The following MORC1 variants were observed in gnomAD, a reference collection of about 807,000 sequenced individuals.
MORC1 encodes the protein MORC family CW-type zinc finger 1, also known as MORC family CW-type zinc finger protein 1.
In MORC1, 59 loss-of-function variants were observed where a neutral mutation model predicts 134.9. The ratio of observed to expected loss-of-function variants is 0.44; its 90% CI spans 0.35 to 0.54. The LOEUF (loss-of-function observed/expected upper bound fraction) is 0.54, where lower values mean the gene tolerates loss of function less well. MORC1 is among the 20% of genes least tolerant of loss of function. The pLI, the probability that MORC1 is intolerant of heterozygous loss-of-function variation, is 0.00. For missense variants in MORC1, 947 were observed against 1,134.5 expected, an observed-to-expected ratio of 0.83 and a Z score of 2.37; for synonymous variants, 395 against 391.7, an observed-to-expected ratio of 1.01 and a Z score of -0.10.
At chr3:109,017,579 C>G (rs1269304730) in intron 17 of MORC1, among the ~76,000 whole-genome samples, 2 of 152,164 alleles carry the variant, frequency 1.3e-5, no homozygotes, top group Non-Finnish European at 2.9e-5. Context: ...AGTTTTGGGG[C>G]TGGCCTATAG....
At chr3:109,024,298 A>G (rs1261941102) in intron 17 of MORC1, among the ~76,000 whole-genome samples, 2 of 152,204 alleles carry the variant, frequency 1.3e-5, no homozygotes, top group East Asian at 3.8e-4. Flanking sequence ...GCTTTGATTA[A>G]AATTATTTTT....
intron 17 of MORC1, among the ~76,000 whole-genome samples, chr3:109,017,987 A>T (rs1276609041): frequency 6.6e-6 from 1 of 152,244 alleles, no homozygotes; most frequent in Non-Finnish European, 1.5e-5. Context: ...CCAGGAATAA[A>T]GAAGTGAATA....
chr3:108,986,123 G>A (rs1321418326), intron 22 of MORC1, among the ~76,000 whole-genome samples: 2 of 152,034 alleles, frequency 1.3e-5, no homozygotes, highest in African/African-American at 4.8e-5. Flanking sequence ...AGACTAAGAA[G>A]ACTAAGATCT....
At chr3:108,973,007 C>CA (rs1008445531) in intron 24 of MORC1, among the ~76,000 whole-genome samples, 75 of 152,326 alleles carry the variant, frequency 4.9e-4, no homozygotes, top group African/African-American at 1.8e-3. Context: ...ATCTCTATTT[C>CA]AAAATCTACA....
At chr3:109,016,167 A>C (rs969584923) in intron 17 of MORC1, among the ~76,000 whole-genome samples, 4 of 152,156 alleles carry the variant, frequency 2.6e-5, no homozygotes, top group African/African-American at 9.7e-5. Flanking sequence ...ACACTGAAAA[A>C]ATTTTAAATT....
chr3:109,114,490 G>A (rs1951230145), intron 1 of MORC1, 53 bp from the exon 2 acceptor site: 2 of 1,489,618 alleles, frequency 1.3e-6, no homozygotes, highest in African/African-American at 1.4e-5. Flanking sequence ...TGTAATCAAT[G>A]TAAAAGCTTT....
At chr3:109,036,180 C>T (rs1157871535) in intron 14 of MORC1, among the ~76,000 whole-genome samples, 1 of 152,096 alleles carries the variant, frequency 6.6e-6, no homozygotes, top group Admixed American at 6.6e-5. Context: ...AAATTCTGTT[C>T]CCCAAAAATG....
Position 108,973,684 on chromosome 3 carries a change from C to T in MORC1, c.2478-2282G>A, listed in dbSNP as rs141264230. Among the ~76,000 whole-genome samples the T allele has an allele frequency of 4.7e-3, 696 of 149,270 alleles. 3 individuals carry two copies. The highest frequency in any genetic ancestry group is 8.0e-3 in the Non-Finnish European group (540 of 67,502). On this transcript the variant is annotated intron_variant, in intron 24 of 27. Transcript: ENST00000232603. ...TGATCTCAGCTCACTGCATCCTCGG[C>T]CTCCTGGGCTCAAGTAATCCTCCCA...
intron 8 of MORC1, among the ~76,000 whole-genome samples, chr3:109,081,189 G>A (rs1444095987): frequency 6.6e-6 from 1 of 152,036 alleles, no homozygotes; most frequent in Non-Finnish European, 1.5e-5. Context: ...GAAAAATGTT[G>A]ACAGATACAA....
rs1370953735 is a variant in MORC1 at position 109,069,710 on chromosome 3, A to G, written c.737T>C (p.Phe246Ser). 1 of 1,613,066 alleles carries G rather than the reference A, an allele frequency of 6.2e-7. No individual in the cohort carries two copies. The highest frequency in any genetic ancestry group is 2.2e-5 in the East Asian group (1 of 44,842). ...SFRAYTSVLY[F>S]NPWMRIFIQA... Reference sequence around the variant, plus strand: ...AATGAATATTCTCATCCATGGGTTAAAATACAGAACAGATGTGTAGGCTCT... The same window carrying G: ...AATGAATATTCTCATCCATGGGTTAGAATACAGAACAGATGTGTAGGCTCT... Residue 246 changes from phenylalanine to serine, a missense_variant, in exon 9 of 28, where the codon TTT becomes TCT. By Grantham distance (155) the Phe-to-Ser change is radical. This residue lies in a region of MORC1 where 11 missense variants were observed against 36.2 expected (regional missense o/e 0.30). Coordinates refer to ENST00000232603, the MANE Select transcript of MORC1 (RefSeq NM_014429.4).
intron 21 of MORC1, among the ~76,000 whole-genome samples, chr3:108,999,235 G>C (rs1171988527): frequency 6.6e-6 from 1 of 152,060 alleles, no homozygotes; most frequent in Non-Finnish European, 1.5e-5. Flanking sequence ...GGCTATTTCT[G>C]TTCCCATTCA....
At position 108,971,249 on chromosome 3, in the gene MORC1, T is replaced by C. The variant is rs1249431615; in HGVS notation, c.2550+81A>G. 6.9e-6 allele frequency: 9 copies of C among 1,297,816 alleles called. No individual in the cohort carries two copies. In the Admixed American group the frequency reaches 1.1e-4, roughly 15 times the overall value. 80.4% of individuals were successfully genotyped at this position (1,297,816 alleles called of 1,614,324 possible). On this transcript the variant is annotated intron_variant, in intron 25 of 27. Transcript: ENST00000232603. Reference sequence around the variant, plus strand: ...ACTTAAGCCACTCTAGGTCCTCTTATTGGAAACACTTTACATTTTTCTTCA... The same window carrying C: ...ACTTAAGCCACTCTAGGTCCTCTTACTGGAAACACTTTACATTTTTCTTCA...
chr3:109,032,392 A>T (rs1949261267), intron 16 of MORC1, among the ~76,000 whole-genome samples: 2 of 152,216 alleles, frequency 1.3e-5, no homozygotes, highest in South Asian at 2.1e-4. Flanking sequence ...TCTCTGAGTA[A>T]CACTCCTGTA....
At chr3:109,037,062 T>C (rs1949396597) in intron 14 of MORC1, among the ~76,000 whole-genome samples, 1 of 152,198 alleles carries the variant, frequency 6.6e-6, no homozygotes, top group African/African-American at 2.4e-5. Flanking sequence ...ATTAGGTAGA[T>C]TCACATTGCA....
intron 8 of MORC1, among the ~76,000 whole-genome samples, chr3:109,087,606 C>T (rs1950639288): frequency 1.3e-5 from 2 of 152,036 alleles, no homozygotes; most frequent in East Asian, 3.9e-4. Context: ...ACATCACATG[C>T]TCCTGTATAG....
In MORC1 at chr3:108,958,470, T is replaced by C. The variant is rs1174420276; in HGVS notation, c.*495A>G. On this transcript the variant is annotated 3_prime_UTR_variant, in exon 28 of 28. Coordinates refer to ENST00000232603, the MANE Select transcript of MORC1 (RefSeq NM_014429.4). ...TTATATAAGCTATGTCTCAAAGTTT[T>C]GGGGGGATTTGTATTTTCTGCTTGA... The C allele has an allele frequency of 6.6e-6, 1 of 152,074 alleles. No individual in the cohort carries two copies. The highest frequency in any genetic ancestry group is 2.4e-5 in the African/African-American group (1 of 41,438). The allele number at this position is 152,074 out of a possible 1,614,324, so 9.4% of individuals were successfully genotyped here. A position where few individuals can be genotyped will look rare whatever the true frequency, so the allele number is the denominator to read the frequency against.
intron 24 of MORC1, among the ~76,000 whole-genome samples, chr3:108,971,801 A>AAGAG (rs1947388217): frequency 6.8e-6 from 1 of 147,570 alleles, no homozygotes. Flanking sequence ...AGGTTACTGA[A>AAGAG]AGAGGAAGGA....
At chr3:108,989,242 C>T (rs538200819) in intron 21 of MORC1, among the ~76,000 whole-genome samples, 1 of 152,232 alleles carries the variant, frequency 6.6e-6, no homozygotes, top group East Asian at 1.9e-4. Flanking sequence ...TAGAAATGTT[C>T]TTCAGTCACT....
chr3:109,062,145 A>T (rs986028873), intron 10 of MORC1, 87 bp from the exon 11 acceptor site: 4 of 1,155,574 alleles, frequency 3.5e-6, no homozygotes, highest in Non-Finnish European at 5.2e-6. Context: ...TAGCATGACC[A>T]GTGAAAAAGG....
Sources: gnomAD v4.1 joint callset for allele counts (sites outside exome capture counted in the v4.1 genomes callset) on GRCh38, gnomAD v4.1.1 for gene constraint, gnomAD v4.1.1 regional missense constraint, MANE v1.5 for transcripts, NCBI Gene and HGNC (gene_info 2026-07-23, HGNC 2026-07-21) for gene names.